The following ATRX variants were observed in gnomAD, a reference collection of about 807,000 sequenced individuals.
ATRX encodes the protein chromatin remodeler ATRX.
A neutral mutation model predicts 172.6 loss-of-function variants in ATRX; 12 were observed. The observed-to-expected ratio is 0.07, with a 90% confidence interval of 0.04 to 0.11. ATRX has a LOEUF of 0.11. ATRX is among the 10% of genes least tolerant of loss of function. The pLI, the probability that ATRX is intolerant of heterozygous loss-of-function variation, is 1.00. For missense variants in ATRX, 1,368 were observed against 1,767.4 expected (o/e 0.77, Z 4.05); for synonymous variants, 674 against 594.7 (o/e 1.13, Z -1.94).
chrX:77,671,167 A>AAAAAAAAAATATAT (rs1424480831), intron 10 of ATRX, among the ~76,000 whole-genome samples: 1 of 15,735 alleles, frequency 6.4e-5, no homozygotes, highest in Non-Finnish European at 1.2e-4. Context: ...AAAAAAAAAA[A>AAAAAAAAAATATAT]ATATATATAT....
chrX:77,696,949 T>G (rs1474391591), intron 4 of ATRX, among the ~76,000 whole-genome samples: 1 of 111,704 alleles, frequency 9.0e-6, no homozygotes, highest in African/African-American at 3.2e-5. Context: ...ACACTCTTCT[T>G]TAAGAATCAC....
At chrX:77,695,866 G>T (rs1320274169) in intron 5 of ATRX, among the ~76,000 whole-genome samples, 1 of 111,366 alleles carries the variant, frequency 9.0e-6, no homozygotes, top group Non-Finnish European at 1.9e-5. Context: ...TTTGAAAAAT[G>T]TGCCAAGAGA....
intron 28 of ATRX, among the ~76,000 whole-genome samples, chrX:77,561,310 C>CACAT (rs1353829882): frequency 6.4e-5 from 7 of 110,184 alleles, no homozygotes; most frequent in Non-Finnish European, 9.5e-5. Context: ...TTAAAAAACA[C>CACAT]ACATACATAC....
At chrX:77,562,175 G>A (rs782519861) in intron 28 of ATRX, among the ~76,000 whole-genome samples, 13 of 111,910 alleles carry the variant, frequency 1.2e-4, no homozygotes, top group Non-Finnish European at 2.1e-4. Flanking sequence ...CCACTACATA[G>A]ATATACCACA....
At chrX:77,711,364 A>C (rs1168964230) in intron 2 of ATRX, among the ~76,000 whole-genome samples, 2 of 112,386 alleles carry the variant, frequency 1.8e-5, no homozygotes, top group African/African-American at 6.5e-5. Context: ...TAATATAATG[A>C]AGCAAGAAAA....
intron 1 of ATRX, among the ~76,000 whole-genome samples, chrX:77,740,479 C>T (rs557748734): frequency 2.7e-5 from 3 of 110,637 alleles, no homozygotes; most frequent in African/African-American, 9.8e-5. Context: ...GTGCCTTGAG[C>T]AGGAGGAGAG....
chrX:77,648,074 C>A (rs1019213541), intron 15 of ATRX, among the ~76,000 whole-genome samples: 1 of 111,284 alleles, frequency 9.0e-6, no homozygotes, highest in South Asian at 3.7e-4. Context: ...GGGGAATTAA[C>A]CAGAAAGATG....
intron 27 of ATRX, among the ~76,000 whole-genome samples, chrX:77,579,475 A>G (rs1557072630): frequency 9.7e-6 from 1 of 102,721 alleles, no homozygotes; most frequent in Non-Finnish European, 2.0e-5. Context: ...TTTGGGAGAA[A>G]GTAAAGGAAG....
chrX:77,587,174 T>A (rs1228661673), intron 27 of ATRX, among the ~76,000 whole-genome samples: 1 of 111,783 alleles, frequency 8.9e-6, no homozygotes, highest in Middle Eastern at 4.2e-3. Context: ...AATAATACTT[T>A]CATAATCAGG....
chrX:77,576,491 G>C (rs1196081984), intron 27 of ATRX, among the ~76,000 whole-genome samples: 1 of 111,001 alleles, frequency 9.0e-6, no homozygotes, highest in Non-Finnish European at 1.9e-5. Flanking sequence ...GATAAAAAGT[G>C]CAAGTATATA....
At chrX:77,555,699 C>T (rs1557058596) in intron 30 of ATRX, among the ~76,000 whole-genome samples, 1 of 109,538 alleles carries the variant, frequency 9.1e-6, no homozygotes, top group African/African-American at 3.3e-5. Context: ...CCACTGGGGC[C>T]TGTCAGGGGG....
Position 77,684,216 on chromosome X carries a change from A to C in ATRX, c.1040T>G (p.Ile347Ser). Reference sequence around the variant, plus strand: ...CTTCTTAATCATCTCTTTGGGCACAATTAGTGCGGAATAAGAGTAGGTTAC... The same window carrying C: ...CTTCTTAATCATCTCTTTGGGCACACTTAGTGCGGAATAAGAGTAGGTTAC... The part of the protein sequence containing the change: ...GSVTYSYSAL[I>S]VPKEMIKKAK... Residue 347 changes from isoleucine to serine, a missense_variant, in exon 9 of 35, where the codon ATT (isoleucine) becomes AGT (serine). Ile to Ser is a moderately radical substitution (Grantham distance 142). Transcript: ENST00000373344. The C allele has an allele frequency of 5.8e-6, 7 of 1,211,446 alleles. No homozygotes were observed. The highest frequency in any genetic ancestry group is 6.7e-6 in the Non-Finnish European group (6 of 895,365).
At chrX:77,558,557 A>G (rs1220142668) in intron 29 of ATRX, 112 bp downstream of exon 29, 2 of 690,650 alleles carry the variant, frequency 2.9e-6, no homozygotes, top group Non-Finnish European at 4.4e-6. Flanking sequence ...ATGTACAGAA[A>G]TGGTATTTCC....
intron 1 of ATRX, among the ~76,000 whole-genome samples, chrX:77,778,703 AGAGC>A (rs1343206634): frequency 1.9e-5 from 2 of 107,124 alleles, no homozygotes; most frequent in African/African-American, 6.8e-5. Flanking sequence ...CCTGGGTGAC[AGAGC>A]GAGACTACGT....
intron 1 of ATRX, among the ~76,000 whole-genome samples, chrX:77,753,755 C>T (rs1181676672): frequency 1.8e-5 from 2 of 111,529 alleles, no homozygotes; most frequent in African/African-American, 6.5e-5. Flanking sequence ...GTTCAGTTTC[C>T]ATGTAGTTGT....
chrX:77,720,829 G>A (rs1332443054), intron 1 of ATRX, among the ~76,000 whole-genome samples: 1 of 111,565 alleles, frequency 9.0e-6, no homozygotes, highest in African/African-American at 3.3e-5. Context: ...CATTTTATGA[G>A]GCCAGCATCA....
intron 1 of ATRX, among the ~76,000 whole-genome samples, chrX:77,770,221 G>A (rs1238603648): frequency 4.6e-5 from 5 of 109,122 alleles, no homozygotes; most frequent in African/African-American, 1.7e-4. Context: ...TCCTGCCTCA[G>A]CCTCCTGAGC....
intron 27 of ATRX, among the ~76,000 whole-genome samples, chrX:77,577,495 T>C (rs1557071074): frequency 5.4e-5 from 6 of 111,619 alleles, no homozygotes; most frequent in African/African-American, 9.8e-5. Flanking sequence ...ATCCTTTATG[T>C]ATTTTTGATA....
intron 10 of ATRX, among the ~76,000 whole-genome samples, chrX:77,671,147 CAAAA>C (rs34939100): frequency 2.3e-3 from 35 of 15,277 alleles, no homozygotes; most frequent in Admixed American, 3.9e-3. Context: ...GACTCTGTCT[CAAAA>C]AAAAAAAAAA....
Sources: allele counts gnomAD v4.1 joint callset (sites outside exome capture counted in the v4.1 genomes callset), GRCh38; gene constraint gnomAD v4.1.1; transcripts MANE v1.5; gene names NCBI Gene and HGNC (gene_info 2026-07-23, HGNC 2026-07-21).